GALNT13: variants seen among roughly 807,000 people sequenced by gnomAD.
GALNT13 encodes UDP-GalNAc:polypeptide N-acetylgalactosaminyltransferase 13.
Under a neutral mutation model 64.2 loss-of-function variants are expected in GALNT13, and 28 were observed. That is an observed-to-expected ratio of 0.44 (90% CI 0.32 to 0.60). The LOEUF is 0.60. Among genes scored for constraint, GALNT13 ranks in the 20% least tolerant of loss-of-function variants. The probability of loss-of-function intolerance (pLI) is 0.05; values close to 1 mark genes in which losing one functional copy is unlikely to be tolerated. For synonymous variants in GALNT13, 214 were observed against 224.6 expected, an observed-to-expected ratio of 0.95 and a Z score of 0.42; for missense variants, 577 against 669.8, an observed-to-expected ratio of 0.86 and a Z score of 1.53.
At chr2:153,652,044 G>A in the GALNT13 span, among the ~76,000 whole-genome samples, 1 of 152,106 alleles carries the variant, frequency 6.6e-6, no homozygotes, top group Non-Finnish European at 1.5e-5. Context: ...TCAGGATAGA[G>A]CAGCAAGAGT....
rs61497570 is a variant in GALNT13, at chr2:154,098,909, AT to A, written c.143-41418del. On this transcript the variant is annotated intron_variant, in intron 3 of 12. Coordinates refer to ENST00000392825, the MANE Select transcript of GALNT13 (RefSeq NM_052917.4). ...TGCAGGTGTCTTTATGTATATAATG[AT>A]TTTTTTTTTCCTTTGGGTAGATACA... is the stretch of plus-strand genomic sequence containing the variant. Among the ~76,000 whole-genome samples, 351 of 149,800 alleles carry A rather than the reference AT, an allele frequency of 2.3e-3. 2 individuals are homozygous for A. Among genetic ancestry groups the A allele is most frequent in the African/African-American group, 8.0e-3 (326 of 40,618 alleles).
chr2:153,585,748 A>G, the GALNT13 span, among the ~76,000 whole-genome samples: 1 of 152,262 alleles, frequency 6.6e-6, no homozygotes, highest in South Asian at 2.1e-4. Context: ...CAGGAACTAT[A>G]CAGACTAGAA....
intron 11 of GALNT13, among the ~76,000 whole-genome samples, chr2:154,430,302 T>A (rs1700653776): frequency 6.6e-6 from 1 of 152,142 alleles, no homozygotes; most frequent in South Asian, 2.1e-4. Flanking sequence ...GGTCAAAATA[T>A]CAACAATATC....
chr2:153,161,308 G>A, the GALNT13 span, among the ~76,000 whole-genome samples: 61 of 152,220 alleles, frequency 4.0e-4, no homozygotes, highest in Non-Finnish European at 4.4e-5. Flanking sequence ...TGGCTTTACC[G>A]AGTATTAACC....
the GALNT13 span, among the ~76,000 whole-genome samples, chr2:153,816,776 T>C: frequency 5.9e-5 from 9 of 152,318 alleles, no homozygotes; most frequent in Admixed American, 2.6e-4. Flanking sequence ...GCTTGGTCCA[T>C]ATGACCTGGC....
At chr2:154,108,151 T>C (rs1204183624) in intron 3 of GALNT13, among the ~76,000 whole-genome samples, 1 of 151,918 alleles carries the variant, frequency 6.6e-6, no homozygotes, top group South Asian at 2.1e-4. Flanking sequence ...ATTCTATTTT[T>C]TGGTTTTTTT....
the GALNT13 span, among the ~76,000 whole-genome samples, chr2:153,844,023 A>G: frequency 6.6e-6 from 1 of 152,154 alleles, no homozygotes; most frequent in South Asian, 2.1e-4. Flanking sequence ...TCCAGGAATA[A>G]GTGCATCCTC....
chr2:154,104,583 G>C (rs942189745), intron 3 of GALNT13, among the ~76,000 whole-genome samples: 2 of 152,150 alleles, frequency 1.3e-5, no homozygotes, highest in Non-Finnish European at 2.9e-5. Flanking sequence ...ACAAAACAAT[G>C]CTCCCCTCTT....
intron 1 of GALNT13, among the ~76,000 whole-genome samples, chr2:153,882,311 G>A (rs1023463488): frequency 1.3e-5 from 2 of 151,944 alleles, no homozygotes; most frequent in African/African-American, 4.8e-5. Context: ...AGAGTCTGGG[G>A]CTAAAACAAA....
At chr2:154,361,503 C>G (rs1202428245) in intron 9 of GALNT13, among the ~76,000 whole-genome samples, 1 of 152,120 alleles carries the variant, frequency 6.6e-6, no homozygotes, top group Middle Eastern at 3.4e-3. Flanking sequence ...CCTAGCTCTC[C>G]TGCTTGCCAG....
chr2:153,194,739 C>T, the GALNT13 span, among the ~76,000 whole-genome samples: 1 of 152,136 alleles, frequency 6.6e-6, no homozygotes, highest in South Asian at 2.1e-4. Context: ...TAGAGAAAGA[C>T]TTTTTTCCTG....
chr2:153,475,841 T>C, the GALNT13 span, among the ~76,000 whole-genome samples: 2 of 152,206 alleles, frequency 1.3e-5, no homozygotes, highest in Non-Finnish European at 2.9e-5. Context: ...TTTAAGTGTC[T>C]GGTTTGTCCC....
rs149263994 is a variant in GALNT13 at position 153,916,240 on chromosome 2, C to G, written c.-105+15233C>G. 7.3e-3 allele frequency among the ~76,000 whole-genome samples: 1,108 copies of G among 151,670 alleles called. 11 individuals are homozygous for G. The highest frequency in any genetic ancestry group is 0.012 in the Non-Finnish European group (788 of 67,948). On this transcript the variant is annotated intron_variant, in intron 2 of 12. Transcript: ENST00000392825. ...TGGCACAATCATAGCTCACTGCAGC[C>G]TTGACCTCTTGTACTCAAGCAATTC...
intron 3 of GALNT13, among the ~76,000 whole-genome samples, chr2:154,091,861 A>G (rs1470582491): frequency 6.6e-6 from 1 of 151,938 alleles, no homozygotes; most frequent in African/African-American, 2.4e-5. Context: ...TGATGAAATG[A>G]AACAAATGAC....
the GALNT13 span, among the ~76,000 whole-genome samples, chr2:153,659,274 G>A: frequency 2.0e-5 from 3 of 151,760 alleles, no homozygotes; most frequent in African/African-American, 7.3e-5. Flanking sequence ...ACATTTCTGT[G>A]AAGACTCAGA....
the GALNT13 span, among the ~76,000 whole-genome samples, chr2:153,387,397 T>C: frequency 6.6e-6 from 1 of 152,100 alleles, no homozygotes; most frequent in East Asian, 1.9e-4. Flanking sequence ...TACTTTTATT[T>C]AGAATGTTCC....
the GALNT13 span, among the ~76,000 whole-genome samples, chr2:153,568,680 CAAT>C: frequency 6.6e-6 from 1 of 152,076 alleles, no homozygotes; most frequent in Non-Finnish European, 1.5e-5. Flanking sequence ...GTGTACAGCT[CAAT>C]AAATTTCCAA....
the GALNT13 span, among the ~76,000 whole-genome samples, chr2:153,530,925 CTG>C: frequency 6.6e-6 from 1 of 152,304 alleles, no homozygotes; most frequent in South Asian, 2.1e-4. Flanking sequence ...AGACCTAAAA[CTG>C]TGAAACTACT....
chr2:153,773,693 C>G, the GALNT13 span, among the ~76,000 whole-genome samples: 1 of 151,946 alleles, frequency 6.6e-6, no homozygotes, highest in African/African-American at 2.4e-5. Context: ...AATATTGACA[C>G]TTTTATACTT....
Sources: allele counts gnomAD v4.1 joint callset (sites outside exome capture counted in the v4.1 genomes callset), GRCh38; gene constraint gnomAD v4.1.1; transcripts MANE v1.5; gene names NCBI Gene and HGNC (gene_info 2026-07-23, HGNC 2026-07-21).